Variants in ENAH observed in about 807,000 individuals in gnomAD.
ENAH encodes the protein ENAH actin regulator.
In ENAH, 23 loss-of-function variants were observed where a neutral mutation model predicts 78.7. The ratio of observed to expected loss-of-function variants is 0.29; its 90% CI spans 0.21 to 0.41. The LOEUF is 0.41. Among genes scored for constraint, ENAH ranks in the 10% least tolerant of loss-of-function variants. The pLI is 1.00. For synonymous variants in ENAH, 226 were observed against 241.0 expected (o/e 0.94, Z 0.58); for missense variants, 544 against 691.0 (o/e 0.79, Z 2.39).
chr1:225,613,528 A>G (rs149626559), intron 1 of ENAH, among the ~76,000 whole-genome samples: 112 of 152,298 alleles, frequency 7.4e-4, no homozygotes, highest in African/African-American at 2.7e-3. Flanking sequence ...TAATAAGCAC[A>G]TATTTTATTT....
At chr1:225,564,454 ATTTTTTTTTT>A (rs71170093) in intron 2 of ENAH, among the ~76,000 whole-genome samples, 1 of 122,424 alleles carries the variant, frequency 8.2e-6, no homozygotes, top group African/African-American at 3.1e-5. Context: ...ATGCCCGACT[ATTTTTTTTTT>A]TTTTTTTTTT....
chr1:225,645,676 A>G (rs1345311483), intron 1 of ENAH, among the ~76,000 whole-genome samples: 3 of 152,236 alleles, frequency 2.0e-5, no homozygotes, highest in Admixed American at 1.3e-4. Flanking sequence ...TCAGACTTTC[A>G]TAAAAGTGGG....
chr1:225,500,888 C>G, intron 12 of ENAH, 104 bp downstream of exon 12: 1 of 1,053,494 alleles, frequency 9.5e-7, no homozygotes, highest in Middle Eastern at 2.1e-4. Context: ...ATAGCTCTAT[C>G]GTCTTTCTAA....
rs549399872 is a variant in ENAH at position 225,488,795 on chromosome 1, C to T, written c.*8980G>A. 2.6e-5 allele frequency: 4 copies of T among 152,310 alleles called. No individual in the cohort carries two copies. In the South Asian group the frequency reaches 6.2e-4, roughly 24 times the overall value. 9.4% of individuals were successfully genotyped at this position (152,310 alleles called of 1,614,324 possible). On this transcript the variant is annotated 3_prime_UTR_variant, in exon 14 of 14. Coordinates refer to ENST00000366843, the MANE Select transcript of ENAH (RefSeq NM_018212.6). ...TTTTATCATCCCAAACTGCTATTTC[C>T]ATCTCTGACTTTCTGCCAAATTATC...
chr1:225,547,363 C>T (rs916366995), intron 3 of ENAH, among the ~76,000 whole-genome samples: 3 of 152,178 alleles, frequency 2.0e-5, no homozygotes, highest in Non-Finnish European at 2.9e-5. Flanking sequence ...AGCCACTGCA[C>T]CCGGCCAAGA....
intron 3 of ENAH, among the ~76,000 whole-genome samples, chr1:225,551,396 C>T (rs2096639874): frequency 6.6e-6 from 1 of 152,084 alleles, no homozygotes; most frequent in African/African-American, 2.4e-5. Flanking sequence ...ACTAGCCCCC[C>T]AGAAAGCTGT....
At chr1:225,565,366 G>A (rs1243176989) in intron 2 of ENAH, among the ~76,000 whole-genome samples, 1 of 151,994 alleles carries the variant, frequency 6.6e-6, no homozygotes, top group Non-Finnish European at 1.5e-5. Context: ...ACCCGGGAAG[G>A]AGAGGTTGCA....
chr1:225,620,898 A>G (rs1045760332), intron 1 of ENAH, among the ~76,000 whole-genome samples: 1 of 151,856 alleles, frequency 6.6e-6, no homozygotes, highest in Admixed American at 6.6e-5. Context: ...CCAGCTACTC[A>G]GGAGGCTGAG....
intron 1 of ENAH, among the ~76,000 whole-genome samples, chr1:225,597,747 AAG>A (rs2096909427): frequency 6.6e-6 from 1 of 152,108 alleles, no homozygotes; most frequent in African/African-American, 2.4e-5. Context: ...AAAAACAAAA[AAG>A]AGTATTTTTC....
rs543002711 is a variant in ENAH at position 225,609,013 on chromosome 1, C to G, written c.6-41599G>C. Among the ~76,000 whole-genome samples, 14 of 151,968 alleles carry G rather than the reference C, an allele frequency of 9.2e-5. 1 individual carries two copies. In the South Asian group the frequency reaches 2.7e-3, roughly 29 times the overall value. ...GCTCTAATAGATATTCTTAAATATTCTAAGTCTCAAAGAATTTGCTTCCCA... is the reference window on the plus strand; with the variant it reads ...GCTCTAATAGATATTCTTAAATATTGTAAGTCTCAAAGAATTTGCTTCCCA... On this transcript the variant is annotated intron_variant, in intron 1 of 13. Coordinates refer to ENST00000366843, the MANE Select transcript of ENAH (RefSeq NM_018212.6).
chr1:225,616,947 A>T (rs939694022), intron 1 of ENAH, among the ~76,000 whole-genome samples: 13 of 152,026 alleles, frequency 8.6e-5, no homozygotes, highest in African/African-American at 3.1e-4. Flanking sequence ...AAAAATACAA[A>T]AACTAGCCAG....
At chr1:225,643,054 C>A (rs1661367589) in intron 1 of ENAH, among the ~76,000 whole-genome samples, 1 of 152,182 alleles carries the variant, frequency 6.6e-6, no homozygotes, top group Non-Finnish European at 1.5e-5. Context: ...ATTATTCACT[C>A]AAATACTTAT....
intron 1 of ENAH, among the ~76,000 whole-genome samples, chr1:225,621,353 C>T (rs950868735): frequency 2.7e-5 from 4 of 149,878 alleles, no homozygotes; most frequent in Non-Finnish European, 4.4e-5. Context: ...AGTGCAGTGG[C>T]GGGATCTCGG....
intron 1 of ENAH, among the ~76,000 whole-genome samples, chr1:225,611,539 G>C (rs2096989068): frequency 6.6e-6 from 1 of 152,048 alleles, no homozygotes; most frequent in Non-Finnish European, 1.5e-5. Context: ...GGCTGGTCTT[G>C]AACTACTGAC....
intron 1 of ENAH, among the ~76,000 whole-genome samples, chr1:225,630,766 T>C (rs1284692166): frequency 6.6e-6 from 1 of 152,218 alleles, no homozygotes; most frequent in Non-Finnish European, 1.5e-5. Flanking sequence ...GGTTCATGTT[T>C]TTCATAAATA....
intron 4 of ENAH, among the ~76,000 whole-genome samples, chr1:225,522,872 T>C (rs1309545794): frequency 1.3e-5 from 2 of 152,198 alleles, no homozygotes; most frequent in Non-Finnish European, 2.9e-5. Context: ...AAGAAATCTA[T>C]GATGAAAAGA....
intron 3 of ENAH, among the ~76,000 whole-genome samples, chr1:225,538,300 C>T (rs772678185): frequency 2.0e-5 from 3 of 151,824 alleles, no homozygotes; most frequent in South Asian, 4.2e-4. Context: ...GAGGCAGATA[C>T]TGCAGTGGTA....
At chr1:225,569,776 G>A (rs990606379) in intron 1 of ENAH, among the ~76,000 whole-genome samples, 1 of 152,038 alleles carries the variant, frequency 6.6e-6, no homozygotes, top group Admixed American at 6.6e-5. Flanking sequence ...TCTAAACAAA[G>A]CTGAGAATAA....
Position 225,494,385 on chromosome 1 carries a change from T to A in ENAH, c.*3390A>T, listed in dbSNP as rs930235057. On this transcript the variant is annotated 3_prime_UTR_variant, in exon 14 of 14. Transcript: ENST00000366843. ...ATATTTTGCTATACTTAAAATTCAT[T>A]ACTCAATAATGCCCTTTACCACACA... 2.6e-5 allele frequency: 4 copies of A among 152,178 alleles called. No individual in the cohort carries two copies. The highest frequency in any genetic ancestry group is 6.6e-5 in the Admixed American group (1 of 15,262). 9.4% of individuals were successfully genotyped at this position (152,178 alleles called of 1,614,324 possible).
Sources: gnomAD v4.1 joint callset for allele counts (sites outside exome capture counted in the v4.1 genomes callset) on GRCh38, gnomAD v4.1.1 for gene constraint, MANE v1.5 for transcripts, NCBI Gene and HGNC (gene_info 2026-07-23, HGNC 2026-07-21) for gene names.